Variants in TNN observed in about 807,000 individuals in gnomAD.
The protein encoded by TNN is tenascin-N.
TNN carries 122 observed loss-of-function variants against 134.4 expected under a neutral mutation model. That is an observed-to-expected ratio of 0.91 (90% CI 0.78 to 1.06). TNN has a LOEUF of 1.06. Ranked by LOEUF, TNN falls within the 50% of genes least tolerant of loss-of-function variation. TNN has a pLI of 0.00. For synonymous variants in TNN, 710 were observed against 670.3 expected, an observed-to-expected ratio of 1.06 and a Z score of -0.91; for missense variants, 1,739 against 1,699.4, an observed-to-expected ratio of 1.02 and a Z score of -0.41.
intron 1 of TNN, among the ~76,000 whole-genome samples, chr1:175,073,962 T>C (rs916889624): frequency 6.8e-6 from 1 of 148,022 alleles, no homozygotes; most frequent in Non-Finnish European, 1.5e-5. Flanking sequence ...AGCTCTAACA[T>C]GCCTCATTTC....
rs567019332 is a variant in TNN, at chr1:175,128,603, C to T, written c.3187C>T (p.Arg1063Cys). 26 of 1,609,764 alleles carry T rather than the reference C, an allele frequency of 1.6e-5. No homozygotes were observed. The highest frequency in any genetic ancestry group is 6.7e-5 in the East Asian group (3 of 44,458). Residue 1063 changes from arginine to cysteine, a missense_variant, in exon 15 of 19, where the codon CGT becomes TGT. Transcript: ENST00000239462. The stretch of plus-strand genomic sequence containing the variant: ...CTCTGCTTGGCTCCCAGTTGGTGCC[C>T]GTTTCCCACACCCTTCGGACTGCAG... Reference protein sequence around the residue: ...VSTTLSTVGARFPHPSDCSQV... With the variant: ...VSTTLSTVGACFPHPSDCSQV...
chr1:175,117,792 CA>C (rs1217507213), intron 10 of TNN, among the ~76,000 whole-genome samples: 2 of 152,148 alleles, frequency 1.3e-5, no homozygotes, highest in Non-Finnish European at 2.9e-5. Context: ...AACCAAATAA[CA>C]GTTGCTTAAA....
intron 9 of TNN, among the ~76,000 whole-genome samples, chr1:175,102,006 C>T (rs1277926328): frequency 1.4e-5 from 2 of 144,894 alleles, no homozygotes; most frequent in African/African-American, 5.0e-5. Context: ...TCGATTGGTG[C>T]ACTCACAAAC....
chr1:175,139,824 G>A (rs1574180595), intron 17 of TNN, among the ~76,000 whole-genome samples: 1 of 152,166 alleles, frequency 6.6e-6, no homozygotes, highest in East Asian at 1.9e-4. Context: ...GCAACCTTAC[G>A]ACAGCTGTGA....
chr1:175,098,314 C>T lies in TNN; in HGVS notation c.1856-18C>T. The stretch of plus-strand genomic sequence containing the variant: ...CATGGCTTCAGAGCTTAAACCTTTC[C>T]AAACATTTTCCTTCCAGATATTGAC... On this transcript the variant is annotated intron_variant, in intron 8 of 18. Coordinates refer to ENST00000239462, the MANE Select transcript of TNN (RefSeq NM_022093.2). 1 of 1,614,066 alleles carries T rather than the reference C, an allele frequency of 6.2e-7. No individual in the cohort carries two copies. Among genetic ancestry groups the T allele is most frequent in the Non-Finnish European group, 8.5e-7 (1 of 1,179,992 alleles).
intron 17 of TNN, 123 bp downstream of exon 17, chr1:175,137,111 G>A (rs1271821135): frequency 2.0e-6 from 2 of 1,007,890 alleles, no homozygotes; most frequent in Non-Finnish European, 2.9e-6. Flanking sequence ...TGTTCTCATT[G>A]ACAGTGGAGG....
At chr1:175,137,109 T>G in intron 17 of TNN, 121 bp downstream of exon 17, 1 of 1,065,364 alleles carries the variant, frequency 9.4e-7, no homozygotes, top group African/African-American at 1.6e-5. Context: ...ATTGTTCTCA[T>G]TGACAGTGGA....
intron 12 of TNN, among the ~76,000 whole-genome samples, chr1:175,126,347 G>A (rs141299575): frequency 0.011 from 1,612 of 152,174 alleles, 21 homozygotes; most frequent in African/African-American, 0.025. Flanking sequence ...TGATCCGCCT[G>A]CCTTGGCCTC....
chr1:175,142,217 C>T lies in TNN; in HGVS notation c.3596-2170C>T, dbSNP rs77909251. Among the ~76,000 whole-genome samples, 855 of 152,246 alleles carry T rather than the reference C, an allele frequency of 5.6e-3. 6 individuals carry two copies. The highest frequency in any genetic ancestry group is 4.9e-3 in the Non-Finnish European group (333 of 68,022). ...GAGACAGACCTGTCTGCTGTGTTTG[C>T]GTGGAAGTGGCCTCCGTGGCCCCAG... On this transcript the variant is annotated intron_variant, in intron 17 of 18. Coordinates refer to ENST00000239462, the MANE Select transcript of TNN (RefSeq NM_022093.2).
At chr1:175,100,912 A>G (rs1011225141) in intron 9 of TNN, among the ~76,000 whole-genome samples, 3 of 152,202 alleles carry the variant, frequency 2.0e-5, no homozygotes, top group African/African-American at 7.2e-5. Context: ...TTATAGGTAC[A>G]TGTGATGTTC....
At chr1:175,072,698 T>C (rs1673942338) in intron 1 of TNN, among the ~76,000 whole-genome samples, 2 of 152,290 alleles carry the variant, frequency 1.3e-5, no homozygotes, top group Admixed American at 1.3e-4. Flanking sequence ...TTTCCCTTGC[T>C]CTCATCTTCT....
intron 1 of TNN, among the ~76,000 whole-genome samples, chr1:175,069,873 TG>T (rs767255648): frequency 2.0e-4 from 31 of 152,378 alleles, no homozygotes; most frequent in Middle Eastern, 3.4e-3. Context: ...GCTAGAAGAC[TG>T]GAACTTTAAA....
At chr1:175,142,817 C>T (rs6679268) in intron 17 of TNN, among the ~76,000 whole-genome samples, 120,863 of 152,020 alleles carry the variant, frequency 0.8, 48,235 homozygotes, top group Admixed American at 0.84. Flanking sequence ...GGCGTTTCAC[C>T]ATATTGGCCA....
In TNN at chr1:175,146,958, C is replaced by A; in HGVS notation, c.3787C>A (p.His1263Asn). The change falls in exon 19 of 19, where the codon CAT becomes AAT. Residue 1263 changes from histidine (H) to asparagine (N), a missense_variant. Physicochemically the swap from His to Asn is moderately conservative, Grantham distance 68. Transcript: ENST00000239462. Reference sequence around the variant, plus strand: ...GGTGAACTGGGAGCCTTGGAAAGGACATGAATTCTCCATTCCTTACGTGGA... The same window carrying A: ...GGTGAACTGGGAGCCTTGGAAAGGAAATGAATTCTCCATTCCTTACGTGGA... Reference protein sequence around the residue: ...EGVNWEPWKGHEFSIPYVELK... With the variant: ...EGVNWEPWKGNEFSIPYVELK... 6.4e-7 allele frequency: 1 copy of A among 1,568,368 alleles called. No individual in the cohort carries two copies. The highest frequency in any genetic ancestry group is 8.6e-7 in the Non-Finnish European group (1 of 1,156,666).
chr1:175,070,408 C>G (rs1352884133), intron 1 of TNN, among the ~76,000 whole-genome samples: 1 of 152,114 alleles, frequency 6.6e-6, no homozygotes, highest in African/African-American at 2.4e-5. Flanking sequence ...TCTTTTCAAG[C>G]CTCAGGCGGG....
intron 14 of TNN, 66 bp from the exon 15 acceptor site, chr1:175,128,529 G>A (rs1024654698): frequency 2.7e-5 from 41 of 1,501,456 alleles, no homozygotes; most frequent in Non-Finnish European, 3.5e-5. Flanking sequence ...CCTTAAAATA[G>A]GAAGAAACTC....
chr1:175,123,754 T>C, intron 12 of TNN, 91 bp downstream of exon 12: 1 of 1,569,788 alleles, frequency 6.4e-7, no homozygotes, highest in Non-Finnish European at 8.6e-7. Context: ...AGCAGGAGGG[T>C]GGTTGCTTTA....
In TNN at chr1:175,094,139, G is replaced by A; in HGVS notation, c.1474G>A (p.Asp492Asn). ...GDTKEMAVHK[D>N]ESSTVLTGLK... ...CACCAAGGAAATGGCAGTGCACAAG[G>A]ATGAGAGCAGCACTGTCCTGACGGG... is the stretch of plus-strand genomic sequence containing the variant. The change falls in exon 7 of 19, where the codon GAT becomes AAT. Residue 492 changes from aspartate (D) to asparagine (N), a missense_variant. By Grantham distance (23) the Asp-to-Asn change is conservative. Coordinates refer to ENST00000239462, the MANE Select transcript of TNN (RefSeq NM_022093.2). The A allele has an allele frequency of 6.2e-7, 1 of 1,614,212 alleles. No individual in the cohort carries two copies. Among genetic ancestry groups the A allele is most frequent in the Non-Finnish European group, 8.5e-7 (1 of 1,180,032 alleles).
chr1:175,140,926 C>T (rs1282638153), intron 17 of TNN, among the ~76,000 whole-genome samples: 1 of 152,136 alleles, frequency 6.6e-6, no homozygotes, highest in Non-Finnish European at 1.5e-5. Flanking sequence ...TTAGAGGACA[C>T]GGCATTCAAA....
Sources: allele counts gnomAD v4.1 joint callset (sites outside exome capture counted in the v4.1 genomes callset), GRCh38; gene constraint gnomAD v4.1.1; transcripts MANE v1.5; gene names NCBI Gene and HGNC (gene_info 2026-07-23, HGNC 2026-07-21).